SMIM27: variants seen among roughly 807,000 people sequenced by gnomAD.
SMIM27 encodes transition zone microprotein 1, also known as TOPORS antisense RNA 1 (non-protein coding).
SMIM27 carries 3 observed loss-of-function variants against 1.8 expected under a neutral mutation model. The ratio of observed to expected loss-of-function variants is 1.65; its 90% CI spans 0.75 to 4.28. SMIM27 has a LOEUF of 4.28. SMIM27 is among the 30% of genes most tolerant of loss of function. The probability of loss-of-function intolerance (pLI) is 0.02; values close to 1 mark genes in which losing one functional copy is unlikely to be tolerated. For missense variants in SMIM27, 63 were observed against 37.0 expected (o/e 1.70, Z -1.83); for synonymous variants, 19 against 13.9 (o/e 1.37, Z -0.82).
At chr9:32,566,588 G>A in exon 2 of SMIM27, 1 of 784,388 alleles carries the variant, frequency 1.3e-6, no homozygotes, top group Non-Finnish European at 2.4e-6. Context: ...GGCACATGGA[G>A]CGGAGGACCC....
chr9:32,551,712 C>G, upstream of SMIM27: 8 of 389,928 alleles, frequency 2.1e-5, no homozygotes, highest in South Asian at 1.4e-4. Context: ...GCCCACCAAA[C>G]TGCCGTGCTC....
chr9:32,552,563 A>G (rs1821318416), intron 1 of SMIM27, 84 bp downstream of exon 1: 23 of 1,249,576 alleles, frequency 1.8e-5, no homozygotes, highest in Non-Finnish European at 2.6e-5. Flanking sequence ...AGCACCCAGA[A>G]ACTCCAAAAT....
At chr9:32,553,188 G>T, downstream of SMIM27, 5 of 306,688 alleles carry the variant, frequency 1.6e-5, no homozygotes, top group East Asian at 6.5e-5. Context: ...CTTCAAAAAT[G>T]ATTCGGAAAG....
intron 1 of SMIM27, 116 bp downstream of exon 1, chr9:32,552,595 C>T: frequency 1.1e-6 from 1 of 885,166 alleles, no homozygotes; most frequent in Admixed American, 2.0e-5. Context: ...TTAAGCATTT[C>T]ACTCCCTCAC....
At chr9:32,558,311 C>T (rs943768643) in intron 1 of SMIM27, among the ~76,000 whole-genome samples, 4 of 152,132 alleles carry the variant, frequency 2.6e-5, no homozygotes, top group African/African-American at 9.7e-5. Flanking sequence ...CGGGGTTTCA[C>T]CGTGTTAGCC....
chr9:32,566,642 G>A, exon 2 of SMIM27: 1 of 796,246 alleles, frequency 1.3e-6, no homozygotes, highest in Non-Finnish European at 2.3e-6. Flanking sequence ...TGGAGGAGCA[G>A]GAGCTCACCT....
At chr9:32,565,992 CAAT>C (rs1185635417) in intron 1 of SMIM27, among the ~76,000 whole-genome samples, 1 of 151,312 alleles carries the variant, frequency 6.6e-6, no homozygotes, top group Admixed American at 6.6e-5. Context: ...AACAAACAAA[CAAT>C]GATTCAGAAA....
In SMIM27 at chr9:32,552,394, A is replaced by G. The variant is rs1436648347; in HGVS notation, c.-41A>G. The G allele has an allele frequency of 3.1e-6, 5 of 1,604,688 alleles. No individual in the cohort carries two copies. Among genetic ancestry groups the G allele is most frequent in the Non-Finnish European group, 4.3e-6 (5 of 1,175,264 alleles). The stretch of plus-strand genomic sequence containing the variant: ...CCTGGGAGGTTACTGTAAGGCCCGC[A>G]GCTCCCGCCAGCTCCCGCGGACTGC... On this transcript the variant is annotated 5_prime_UTR_variant, in exon 1 of 2. Transcript: ENST00000692500.
downstream of SMIM27, chr9:32,553,148 G>A: frequency 4.9e-6 from 2 of 405,940 alleles, no homozygotes; most frequent in South Asian, 5.1e-5. Flanking sequence ...ATCATAGTTG[G>A]AATAAGCTTT....
intron 1 of SMIM27, among the ~76,000 whole-genome samples, chr9:32,559,251 AG>A (rs1183324008): frequency 6.6e-6 from 1 of 152,194 alleles, no homozygotes; most frequent in Non-Finnish European, 1.5e-5. Flanking sequence ...ACTCCTCAGC[AG>A]AGCCTGTTAA....
At chr9:32,551,422 AGCCCAACCAGT>A (rs992413271), upstream of SMIM27, 3 of 319,028 alleles carry the variant, frequency 9.4e-6, no homozygotes, top group African/African-American at 6.5e-5. Context: ...CCCAAACCAG[AGCCCAACCAGT>A]ATCCTATAAA....
downstream of SMIM27, among the ~76,000 whole-genome samples, chr9:32,554,421 T>C (rs1226350803): frequency 2.6e-5 from 4 of 152,216 alleles, no homozygotes; most frequent in South Asian, 4.1e-4. Flanking sequence ...CAATTCTTGA[T>C]ATAGATGTGG....
intron 1 of SMIM27, chr9:32,565,392 T>C (rs1821753685): frequency 6.6e-6 from 1 of 152,152 alleles, no homozygotes. Flanking sequence ...CTTTTGGGCA[T>C]TTAGAACAGT....
downstream of SMIM27, among the ~76,000 whole-genome samples, chr9:32,555,086 G>A (rs1043087817): frequency 5.5e-5 from 8 of 146,540 alleles, no homozygotes; most frequent in Non-Finnish European, 9.2e-5. Context: ...GAGACTTTCT[G>A]TTCCTGACCA....
In SMIM27 at chr9:32,552,441, C is replaced by A; in HGVS notation, c.7C>A (p.Pro3Thr). 2 of 1,607,980 alleles carry A rather than the reference C, an allele frequency of 1.2e-6. No individual in the cohort carries two copies. The highest frequency in any genetic ancestry group is 2.2e-5 in the East Asian group (1 of 44,702). The change falls in exon 1 of 2, where the codon CCA becomes ACA. Residue 3 changes from proline to threonine, a missense_variant. Coordinates refer to ENST00000692500, the MANE Select transcript of SMIM27 (RefSeq NM_001387564.1). MK[P>T]VSRRTLDWIY... ...CTGCTGCCGCCTCCTTACCATGAAG[C>A]CAGTAAGTCGTCGCACGCTGGACTG...
chr9:32,558,443 A>G (rs1821533561), intron 1 of SMIM27, among the ~76,000 whole-genome samples: 2 of 152,224 alleles, frequency 1.3e-5, no homozygotes, highest in East Asian at 1.9e-4. Flanking sequence ...CCATTAGTGG[A>G]TATTAAATTC....
At chr9:32,553,086 A>G (rs1007014892), downstream of SMIM27, 5 of 512,848 alleles carry the variant, frequency 9.7e-6, no homozygotes, top group Non-Finnish European at 1.7e-5. Flanking sequence ...AGTATTTTAC[A>G]TTCTCATGAC....
At chr9:32,554,211 A>C (rs1168537447), downstream of SMIM27, among the ~76,000 whole-genome samples, 1 of 152,234 alleles carries the variant, frequency 6.6e-6, no homozygotes, top group African/African-American at 2.4e-5. Flanking sequence ...TAAGTGATAA[A>C]GGGATAATCT....
downstream of SMIM27, chr9:32,553,466 G>A (rs1480387479): frequency 5.1e-6 from 1 of 196,104 alleles, no homozygotes. Context: ...TGGGATTACA[G>A]GCATGAGCCA....
Sources: gnomAD v4.1 joint callset for allele counts (sites outside exome capture counted in the v4.1 genomes callset) on GRCh38, gnomAD v4.1.1 for gene constraint, MANE v1.5 for transcripts, NCBI Gene and HGNC (gene_info 2026-07-23, HGNC 2026-07-21) for gene names.